The following TMEM108 variants were observed in gnomAD, a reference collection of about 807,000 sequenced individuals.
TMEM108 encodes transmembrane protein 108.
Under a neutral mutation model 35.1 loss-of-function variants are expected in TMEM108, and 12 were observed. The ratio of observed to expected loss-of-function variants is 0.34; its 90% CI spans 0.22 to 0.55. The LOEUF is 0.55. TMEM108 is among the 20% of genes least tolerant of loss of function. TMEM108 has a pLI of 0.89. For missense variants in TMEM108, 680 were observed against 753.3 expected (o/e 0.90, Z 1.14); for synonymous variants, 287 against 308.6 (o/e 0.93, Z 0.73).
At chr3:133,225,703 A>AAT (rs1250398648) in intron 2 of TMEM108, among the ~76,000 whole-genome samples, 1 of 151,736 alleles carries the variant, frequency 6.6e-6, no homozygotes. Context: ...GTAAAAAAAA[A>AAT]GCAATCTCAA....
At chr3:133,272,301 GTGTGTGTGTGTT>G (rs1011517841) in intron 3 of TMEM108, among the ~76,000 whole-genome samples, 4 of 150,094 alleles carry the variant, frequency 2.7e-5, no homozygotes, top group Admixed American at 1.3e-4. Context: ...GTGTGTGTGT[GTGTGTGTGTGTT>G]TCCTAAAGGA....
chr3:133,102,666 G>T (rs936899919), intron 2 of TMEM108, among the ~76,000 whole-genome samples: 2 of 152,164 alleles, frequency 1.3e-5, no homozygotes, highest in Non-Finnish European at 2.9e-5. Flanking sequence ...AATTTCTTTA[G>T]CAAGTGGTAT....
chr3:133,231,467 C>G (rs1348228890), intron 3 of TMEM108, among the ~76,000 whole-genome samples: 1 of 152,174 alleles, frequency 6.6e-6, no homozygotes, highest in African/African-American at 2.4e-5. Context: ...GGTCATCTCA[C>G]ATGGAAAGTT....
At chr3:133,117,835 G>T (rs1944306016) in intron 2 of TMEM108, among the ~76,000 whole-genome samples, 2 of 152,146 alleles carry the variant, frequency 1.3e-5, no homozygotes, top group Non-Finnish European at 2.9e-5. Flanking sequence ...CCCCATTGCT[G>T]GCTGCTGTTT....
rs114039488 is a variant in TMEM108, at chr3:133,136,889, C to T, written c.-47+90869C>T. Among the ~76,000 whole-genome samples the T allele has an allele frequency of 2.8e-3, 429 of 152,280 alleles. 1 individual carries two copies. The highest frequency in any genetic ancestry group is 5.3e-3 in the Non-Finnish European group (359 of 68,024). On this transcript the variant is annotated intron_variant, in intron 2 of 5. Coordinates refer to ENST00000321871, the MANE Select transcript of TMEM108 (RefSeq NM_023943.4). ...GCTGATCCATGGAATCCTGCTGTGT[C>T]GCTCAGCTGCTGTTAAAATATTGGA...
chr3:133,175,513 A>G (rs547041486), intron 2 of TMEM108, among the ~76,000 whole-genome samples: 1,542 of 152,294 alleles, frequency 0.01, 33 homozygotes, highest in African/African-American at 0.035. Flanking sequence ...GTGGGGGCCA[A>G]TATTCAACAT....
intron 2 of TMEM108, among the ~76,000 whole-genome samples, chr3:133,126,774 A>G (rs1031581742): frequency 7.2e-5 from 11 of 152,176 alleles, no homozygotes; most frequent in Non-Finnish European, 8.8e-5. Context: ...CAAGTCCCTT[A>G]TATAAAATGA....
intron 2 of TMEM108, among the ~76,000 whole-genome samples, chr3:133,155,263 T>A (rs1286881858): frequency 6.6e-6 from 1 of 152,174 alleles, no homozygotes; most frequent in Non-Finnish European, 1.5e-5. Flanking sequence ...CCTATTGTTG[T>A]TGGCTATCTA....
intron 3 of TMEM108, among the ~76,000 whole-genome samples, chr3:133,284,680 C>T (rs986789318): frequency 2.6e-5 from 4 of 152,296 alleles, no homozygotes; most frequent in Admixed American, 6.5e-5. Context: ...TTCCAAAAAA[C>T]GGCTTTCTTC....
Position 133,378,555 on chromosome 3 carries a change from A to G in TMEM108, c.41-1197A>G, listed in dbSNP as rs1054451771. ...GATCCATGAACAAGGAGGTGCTAAC[A>G]GGTCAGAATCAGGCCTCAGAGGACT... On this transcript the variant is annotated intron_variant, in intron 3 of 5. Coordinates refer to ENST00000321871, the MANE Select transcript of TMEM108 (RefSeq NM_023943.4). 7.1e-6 allele frequency: 7 copies of G among 985,336 alleles called. No individual in the cohort carries two copies. The East Asian group carries it at 3.4e-4, about 48-fold the overall frequency. The allele number at this position is 985,336 out of a possible 1,614,324, so 61.0% of individuals were successfully genotyped here. A position where few individuals can be genotyped will look rare whatever the true frequency, so the allele number is the denominator to read the frequency against.
intron 2 of TMEM108, among the ~76,000 whole-genome samples, chr3:133,081,381 T>C (rs1005967545): frequency 2.6e-5 from 4 of 152,190 alleles, no homozygotes; most frequent in Admixed American, 2.0e-4. Flanking sequence ...TATCTCTTCT[T>C]ATAAAGGCAC....
intron 3 of TMEM108, among the ~76,000 whole-genome samples, chr3:133,314,405 T>A (rs1425632600): frequency 6.6e-6 from 1 of 152,144 alleles, no homozygotes; most frequent in Admixed American, 6.5e-5. Flanking sequence ...CAAAAGCGCT[T>A]TTAGATTATT....
chr3:133,359,510 T>C (rs1559925806), intron 3 of TMEM108, among the ~76,000 whole-genome samples: 1 of 151,972 alleles, frequency 6.6e-6, no homozygotes, highest in Admixed American at 6.6e-5. Context: ...GTGTGAAAAG[T>C]AGGAGAGGGA....
chr3:133,305,735 C>T (rs2071024986), intron 3 of TMEM108, among the ~76,000 whole-genome samples: 1 of 152,006 alleles, frequency 6.6e-6, no homozygotes, highest in Admixed American at 6.6e-5. Flanking sequence ...AGTTTCTCCC[C>T]ATCAACACCA....
At chr3:133,386,339 C>G (rs762935102) in intron 4 of TMEM108, 69 of 1,486,624 alleles carry the variant, frequency 4.6e-5, no homozygotes, top group Non-Finnish European at 6.3e-5. Context: ...TCAAACAGGC[C>G]CGGGAAAGAG....
intron 2 of TMEM108, among the ~76,000 whole-genome samples, chr3:133,155,583 G>T (rs1944868696): frequency 1.3e-5 from 2 of 151,966 alleles, no homozygotes; most frequent in South Asian, 4.2e-4. Flanking sequence ...TTTTGATTTT[G>T]ATTTGCATTT....
At chr3:133,267,970 A>T (rs1946721999) in intron 3 of TMEM108, among the ~76,000 whole-genome samples, 1 of 152,352 alleles carries the variant, frequency 6.6e-6, no homozygotes, top group South Asian at 2.1e-4. Context: ...GGAGGGGACT[A>T]CACAAAGGCA....
At chr3:133,124,317 G>A (rs1219466417) in intron 2 of TMEM108, among the ~76,000 whole-genome samples, 1 of 152,192 alleles carries the variant, frequency 6.6e-6, no homozygotes, top group Non-Finnish European at 1.5e-5. Flanking sequence ...TGACGTACAT[G>A]GCAAAATGGG....
intron 5 of TMEM108, among the ~76,000 whole-genome samples, chr3:133,394,297 G>T (rs1321453029): frequency 6.6e-6 from 1 of 152,198 alleles, no homozygotes. Flanking sequence ...TTCCTCAGTT[G>T]CCCTGCCCCC....
Sources: gnomAD v4.1 joint callset for allele counts (sites outside exome capture counted in the v4.1 genomes callset) on GRCh38, gnomAD v4.1.1 for gene constraint, MANE v1.5 for transcripts, NCBI Gene and HGNC (gene_info 2026-07-23, HGNC 2026-07-21) for gene names.